The following KLHL6 variants were observed in gnomAD, a reference collection of about 807,000 sequenced individuals.
The protein encoded by KLHL6 is kelch like family member 6, also known as kelch-like protein 6.
KLHL6 carries 41 observed loss-of-function variants against 58.6 expected under a neutral mutation model. The ratio of observed to expected loss-of-function variants is 0.70; its 90% confidence interval spans 0.55 to 0.91. KLHL6 has a LOEUF of 0.91. KLHL6 is among the 40% of genes least tolerant of loss of function. The pLI, the probability that KLHL6 is intolerant of heterozygous loss-of-function variation, is 0.00. For missense variants in KLHL6, 714 were observed against 805.6 expected, an observed-to-expected ratio of 0.89 and a Z score of 1.38; for synonymous variants, 338 against 322.7, an observed-to-expected ratio of 1.05 and a Z score of -0.51.
At chr3:183,506,504 G>A (rs1169588066) in intron 3 of KLHL6, among the ~76,000 whole-genome samples, 1 of 152,200 alleles carries the variant, frequency 6.6e-6, no homozygotes, top group Admixed American at 6.5e-5. Context: ...AGTTGGTGCT[G>A]TGATGGAGCA....
intron 1 of KLHL6, among the ~76,000 whole-genome samples, chr3:183,544,132 C>T (rs1028254854): frequency 7.2e-6 from 1 of 139,446 alleles, no homozygotes; most frequent in African/African-American, 2.8e-5. Flanking sequence ...CATCGCACTC[C>T]AGCCTGGGCG....
In KLHL6 at chr3:183,527,914, C is replaced by T. The variant is rs372681484; in HGVS notation, c.390G>A (p.Thr130=). ...AETMHTLLDY[T]YTSKALITKQ... ...TGGTGATCAGCGCCTTGCTGGTGTACGTGTAGTCCAACAGAGTGTGCATGG... is the reference window on the plus strand; with the variant it reads ...TGGTGATCAGCGCCTTGCTGGTGTATGTGTAGTCCAACAGAGTGTGCATGG... The change falls in exon 2 of 7, where the codon ACG becomes ACA. Residue 130 remains threonine (T), a synonymous_variant. Coordinates refer to ENST00000341319, the MANE Select transcript of KLHL6 (RefSeq NM_130446.4). 2.0e-5 allele frequency: 33 copies of T among 1,613,966 alleles called. No homozygotes were observed. Among genetic ancestry groups the T allele is most frequent in the Middle Eastern group, 1.6e-4 (1 of 6,084 alleles).
chr3:183,506,133 A>T (rs1030344475), intron 3 of KLHL6, among the ~76,000 whole-genome samples: 1 of 152,212 alleles, frequency 6.6e-6, no homozygotes, highest in Non-Finnish European at 1.5e-5. Flanking sequence ...TCCCAGAACC[A>T]CTGCATAGTG....
chr3:183,507,748 G>C (rs1435323068), intron 3 of KLHL6, among the ~76,000 whole-genome samples: 1 of 152,098 alleles, frequency 6.6e-6, no homozygotes, highest in African/African-American at 2.4e-5. Context: ...GCACATTCTT[G>C]TTTGTGCGTG....
intron 1 of KLHL6, among the ~76,000 whole-genome samples, chr3:183,551,152 T>C (rs548776087): frequency 1.8e-3 from 277 of 150,646 alleles, no homozygotes; most frequent in African/African-American, 6.5e-3. Flanking sequence ...TTACTTCCCA[T>C]GCACTCTTTC....
chr3:183,492,314 G>C lies in KLHL6; in HGVS notation c.1565-86C>G. On this transcript the variant is annotated intron_variant, in intron 6 of 6. Coordinates refer to ENST00000341319, the MANE Select transcript of KLHL6 (RefSeq NM_130446.4). This position sits in a 1 kb window ranked among gnomAD's most constrained non-coding sequence, Gnocchi z 5.9. Reference sequence around the variant, plus strand: ...ACCACTAAAATTCAACTTCTGATTAGGCCAAGTCTACCCTCTTGCCAAGAG... The same window carrying C: ...ACCACTAAAATTCAACTTCTGATTACGCCAAGTCTACCCTCTTGCCAAGAG... The C allele has an allele frequency of 7.3e-7, 1 of 1,373,564 alleles. No homozygotes were observed. The highest frequency in any genetic ancestry group is 9.9e-7 in the Non-Finnish European group (1 of 1,013,290). 85.1% of individuals were successfully genotyped at this position (1,373,564 alleles called of 1,614,324 possible).
chr3:183,552,498 C>G (rs1452022301), intron 1 of KLHL6, among the ~76,000 whole-genome samples: 2 of 152,010 alleles, frequency 1.3e-5, no homozygotes, highest in African/African-American at 2.4e-5. Context: ...GCGGGTGGAT[C>G]TCGAGGTCAG....
At chr3:183,549,143 C>A (rs1712826279) in intron 1 of KLHL6, among the ~76,000 whole-genome samples, 1 of 148,320 alleles carries the variant, frequency 6.7e-6, no homozygotes, top group Admixed American at 6.6e-5. Flanking sequence ...GCACATGTAT[C>A]CCAGAACTTA....
At chr3:183,539,119 C>T (rs1432517031) in intron 1 of KLHL6, among the ~76,000 whole-genome samples, 2 of 152,178 alleles carry the variant, frequency 1.3e-5, no homozygotes, top group Non-Finnish European at 2.9e-5. Context: ...AACCTCTGCC[C>T]TAGAAAGAGG....
At chr3:183,524,603 G>A (rs1711888610) in intron 2 of KLHL6, among the ~76,000 whole-genome samples, 1 of 152,156 alleles carries the variant, frequency 6.6e-6, no homozygotes, top group East Asian at 1.9e-4. Flanking sequence ...TGCCTGGCCT[G>A]GTAGGAAAAG....
chr3:183,529,864 T>C (rs1344842045), intron 1 of KLHL6, among the ~76,000 whole-genome samples: 12 of 151,960 alleles, frequency 7.9e-5, no homozygotes, highest in Admixed American at 7.9e-4. Context: ...AGGAGGTAAT[T>C]AAGAAAAATG....
chr3:183,511,104 G>A (rs188071448), intron 2 of KLHL6, among the ~76,000 whole-genome samples: 20 of 152,128 alleles, frequency 1.3e-4, no homozygotes, highest in African/African-American at 4.8e-4. Flanking sequence ...AGTATTTATT[G>A]ATTACTATTT....
intron 1 of KLHL6, among the ~76,000 whole-genome samples, chr3:183,550,460 C>T (rs1311939637): frequency 4.6e-5 from 7 of 151,998 alleles, no homozygotes; most frequent in African/African-American, 1.2e-4. Context: ...CACACCCCTC[C>T]AAGGCACATC....
At chr3:183,535,463 G>A (rs7627679) in intron 1 of KLHL6, among the ~76,000 whole-genome samples, 5,680 of 152,252 alleles carry the variant, frequency 0.037, 338 homozygotes, top group African/African-American at 0.13. Context: ...GAAACAGGAA[G>A]TTCAGCAGGA....
rs371501707 is a variant in KLHL6, at chr3:183,499,838, A to G, written c.910-11T>C. ...GCGTTCCGAAATGATCTGGAAATCG[A>G]TGGGGGTACATGAAGGCAGGGACAA... On this transcript the variant is annotated splice_polypyrimidine_tract_variant and intron_variant, in intron 3 of 6. Transcript: ENST00000341319. The surrounding 1 kb of genome is among the most constrained non-coding windows in gnomAD (Gnocchi z 4.6). The G allele has an allele frequency of 2.1e-5, 33 of 1,552,916 alleles. No homozygotes were observed. The highest frequency in any genetic ancestry group is 3.8e-5 in the Admixed American group (2 of 52,810).
Position 183,531,627 on chromosome 3 carries a change from T to C in KLHL6, c.294-3617A>G, listed in dbSNP as rs139250292. On this transcript the variant is annotated intron_variant, in intron 1 of 6. Transcript: ENST00000341319. The stretch of plus-strand genomic sequence containing the variant: ...ACGCCTGGCTAATTTTTTGTATTTT[T>C]AGTAGAGACGGGGTTTCACCATGTT... Among the ~76,000 whole-genome samples, 744 of 152,082 alleles carry C rather than the reference T, an allele frequency of 4.9e-3. 6 individuals are homozygous for C. The highest frequency in any genetic ancestry group is 0.017 in the African/African-American group (692 of 41,488).
chr3:183,506,566 A>G (rs996108022), intron 3 of KLHL6, among the ~76,000 whole-genome samples: 4 of 152,146 alleles, frequency 2.6e-5, no homozygotes, highest in African/African-American at 9.7e-5. Flanking sequence ...GGTGGCTCAC[A>G]CCTGTAACCC....
chr3:183,508,369 T>C lies in KLHL6; in HGVS notation c.599A>G (p.Asn200Ser), dbSNP rs764681443. 6.2e-7 allele frequency: 1 copy of C among 1,614,170 alleles called. No homozygotes were observed. Among genetic ancestry groups the C allele is most frequent in the Non-Finnish European group, 8.5e-7 (1 of 1,180,026 alleles). Residue 200 changes from asparagine (N) to serine (S), a missense_variant, in exon 3 of 7, where the codon AAC becomes AGC. By Grantham distance (46) the Asn-to-Ser change is conservative. Coordinates refer to ENST00000341319, the MANE Select transcript of KLHL6 (RefSeq NM_130446.4). ...CTCAGAGTTCAGAATCTGCACAAAGTTTTGAATGATGTAACTCTGAACCTG... is the reference window on the plus strand; with the variant it reads ...CTCAGAGTTCAGAATCTGCACAAAGCTTTGAATGATGTAACTCTGAACCTG... ...KKQVQSYIIQ[N>S]FVQILNSEEF... is the part of the protein sequence containing the mutation.
At chr3:183,555,020 C>T (rs769148141) in intron 1 of KLHL6, among the ~76,000 whole-genome samples, 2 of 151,916 alleles carry the variant, frequency 1.3e-5, no homozygotes, top group Non-Finnish European at 2.9e-5. Flanking sequence ...CAAAATTATC[C>T]GGGTGTTGTG....
Sources: allele counts gnomAD v4.1 joint callset (sites outside exome capture counted in the v4.1 genomes callset), GRCh38; gene constraint gnomAD v4.1.1; non-coding constraint Gnocchi (gnomAD v3.1); transcripts MANE v1.5; gene names NCBI Gene and HGNC (gene_info 2026-07-23, HGNC 2026-07-21).